The following PLCG2 variants were observed in gnomAD, a reference collection of about 807,000 sequenced individuals.
PLCG2 encodes the protein phospholipase C gamma 2.
In PLCG2, 69 loss-of-function variants were observed where a neutral mutation model predicts 175.6. The ratio of observed to expected loss-of-function variants is 0.39; its 90% CI spans 0.32 to 0.48. The LOEUF (loss-of-function observed/expected upper bound fraction) is 0.48. PLCG2 is among the 20% of genes least tolerant of loss of function. The pLI, the probability that PLCG2 is intolerant of heterozygous loss-of-function variation, is 0.91. For synonymous variants in PLCG2, 827 were observed against 624.0 expected, an observed-to-expected ratio of 1.33 and a Z score of -4.85; for missense variants, 1,798 against 1,650.9, an observed-to-expected ratio of 1.09 and a Z score of -1.54.
At chr16:81,891,415 C>G (rs942373434) in intron 10 of PLCG2, 57 bp from the exon 11 acceptor site, 2 of 988,492 alleles carry the variant, frequency 2.0e-6, no homozygotes, top group Admixed American at 1.7e-5. Context: ...CAGAAACAAG[C>G]AGACACCATC....
chr16:81,857,094 TAA>T (rs35474393), intron 3 of PLCG2, among the ~76,000 whole-genome samples: 46,668 of 151,996 alleles, frequency 0.31, 7,771 homozygotes, highest in South Asian at 0.38. Flanking sequence ...TTTAAGTCAC[TAA>T]GTTTGTGGTC....
At chr16:81,944,497 C>G (rs1828604614) in intron 30 of PLCG2, among the ~76,000 whole-genome samples, 2 of 152,192 alleles carry the variant, frequency 1.3e-5, no homozygotes, top group Admixed American at 6.5e-5. Context: ...GGTCTTCCCT[C>G]TGTCACTGAG....
chr16:81,827,000 A>G (rs9923151), intron 2 of PLCG2, among the ~76,000 whole-genome samples: 6,001 of 152,196 alleles, frequency 0.039, 169 homozygotes, highest in African/African-American at 0.072. Context: ...ACTTGTTTCT[A>G]CTTCCAGCCT....
At chr16:81,841,308 C>G (rs1905817535) in intron 2 of PLCG2, among the ~76,000 whole-genome samples, 1 of 151,988 alleles carries the variant, frequency 6.6e-6, no homozygotes. Flanking sequence ...ATGATCTTGG[C>G]TCACTTCAAC....
chr16:81,778,032 C>CAACAAAAA (rs1910498846), upstream of PLCG2, among the ~76,000 whole-genome samples: 2 of 58,710 alleles, frequency 3.4e-5, no homozygotes, highest in African/African-American at 1.7e-4. Flanking sequence ...AAAAAAAAAA[C>CAACAAAAA]AAAAAAAAAA....
intron 31 of PLCG2, among the ~76,000 whole-genome samples, chr16:81,955,577 C>A (rs1313221576): frequency 6.6e-6 from 1 of 152,160 alleles, no homozygotes; most frequent in Non-Finnish European, 1.5e-5. Context: ...AGGGGTAGGT[C>A]TTGTTTCAGT....
At position 81,960,877 on chromosome 16, in the gene PLCG2, C is replaced by G; in HGVS notation, c.*2879C>G. The G allele has an allele frequency of 4.4e-6, 1 of 229,574 alleles. No individual in the cohort carries two copies. The allele number at this position is 229,574 out of a possible 1,614,324, so 14.2% of individuals were successfully genotyped here. A position where few individuals can be genotyped will look rare whatever the true frequency, so the allele number is the denominator to read the frequency against. On this transcript the variant is annotated 3_prime_UTR_variant, in exon 33 of 33. Transcript: ENST00000564138. ...ACTCTCAGGGGAGCAGTGTTCAGAG[C>G]CTCATCTTCCTGTTATATTCTTCTC... is the stretch of plus-strand genomic sequence containing the variant.
At chr16:81,819,324 C>T (rs1038704894) in intron 2 of PLCG2, among the ~76,000 whole-genome samples, 1 of 152,184 alleles carries the variant, frequency 6.6e-6, no homozygotes, top group Non-Finnish European at 1.5e-5. Flanking sequence ...AACACTGCCT[C>T]ATATCCATTT....
chr16:81,760,903 A>G (rs371038849), intron 2 of PLCG2, among the ~76,000 whole-genome samples: 1 of 152,054 alleles, frequency 6.6e-6, no homozygotes, highest in East Asian at 1.9e-4. Flanking sequence ...CTGGCTTAAA[A>G]TTTTTGTTTG....
intron 25 of PLCG2, among the ~76,000 whole-genome samples, chr16:81,932,365 C>T (rs1365445443): frequency 3.3e-5 from 5 of 152,198 alleles, no homozygotes; most frequent in Admixed American, 3.3e-4. Flanking sequence ...ACTGCCTTAT[C>T]ATTATATCAG....
chr16:81,781,813 A>G (rs2143154781), intron 1 of PLCG2, among the ~76,000 whole-genome samples: 1 of 152,272 alleles, frequency 6.6e-6, no homozygotes, highest in African/African-American at 2.4e-5. Flanking sequence ...TGAAGAGACA[A>G]AAACTTCCTT....
intron 16 of PLCG2, 94 bp from the exon 17 acceptor site, chr16:81,908,322 G>A: frequency 1.7e-6 from 2 of 1,174,476 alleles, no homozygotes; most frequent in Non-Finnish European, 1.2e-6. Context: ...ATGTTATCTG[G>A]TACCCTGGGT....
chr16:81,869,824 C>G (rs1176440021), intron 6 of PLCG2, among the ~76,000 whole-genome samples: 2 of 152,084 alleles, frequency 1.3e-5, no homozygotes, highest in Non-Finnish European at 2.9e-5. Context: ...GGCAGTAAAG[C>G]CACTCCATGA....
At chr16:81,874,697 A>C (rs1907680057) in intron 7 of PLCG2, among the ~76,000 whole-genome samples, 1 of 152,212 alleles carries the variant, frequency 6.6e-6, no homozygotes, top group Non-Finnish European at 1.5e-5. Context: ...CATGCTTATC[A>C]GCAGCCAAAT....
intron 2 of PLCG2, among the ~76,000 whole-genome samples, chr16:81,830,125 G>C (rs917346928): frequency 2.0e-4 from 31 of 151,952 alleles, no homozygotes; most frequent in Non-Finnish European, 4.4e-5. Context: ...TTTGAGAATA[G>C]CCTGGGTAAC....
intron 2 of PLCG2, among the ~76,000 whole-genome samples, chr16:81,814,752 G>A (rs1035141338): frequency 8.5e-5 from 13 of 152,086 alleles, no homozygotes; most frequent in African/African-American, 2.4e-4. Flanking sequence ...TGGAGAGCAA[G>A]GACCCAAGGC....
At chr16:81,779,712 G>T (rs1349252110) in intron 1 of PLCG2, among the ~76,000 whole-genome samples, 5 of 152,190 alleles carry the variant, frequency 3.3e-5, no homozygotes, top group African/African-American at 1.2e-4. Flanking sequence ...CGGGAGGAAG[G>T]TCAGGGGTCG....
At chr16:81,869,680 G>C (rs984788888) in intron 6 of PLCG2, among the ~76,000 whole-genome samples, 1 of 152,162 alleles carries the variant, frequency 6.6e-6, no homozygotes, top group African/African-American at 2.4e-5. Flanking sequence ...TACCAGGACC[G>C]TGGCATTTTG....
chr16:81,810,615 C>G (rs966166146), intron 2 of PLCG2, among the ~76,000 whole-genome samples: 1 of 149,048 alleles, frequency 6.7e-6, no homozygotes, highest in Non-Finnish European at 1.5e-5. Flanking sequence ...CTGCCGTCCA[C>G]TTAGTGCCTT....
Sources: allele counts gnomAD v4.1 joint callset (sites outside exome capture counted in the v4.1 genomes callset), GRCh38; gene constraint gnomAD v4.1.1; transcripts MANE v1.5; gene names NCBI Gene and HGNC (gene_info 2026-07-23, HGNC 2026-07-21).